The following ADCY3 variants were observed in gnomAD, a reference collection of about 807,000 sequenced individuals.
The protein encoded by ADCY3 is adenylate cyclase type 3.
ADCY3 carries 70 observed loss-of-function variants against 119.4 expected under a neutral mutation model. The observed-to-expected ratio is 0.59, with a 90% CI of 0.48 to 0.72. ADCY3 has a LOEUF of 0.72. Ranked by LOEUF, ADCY3 falls within the 30% of genes least tolerant of loss-of-function variation. The probability of loss-of-function intolerance (pLI) is 0.00; values close to 1 mark genes in which losing one functional copy is unlikely to be tolerated. For missense variants in ADCY3, 1,238 were observed against 1,541.6 expected (o/e 0.80, Z 3.30); for synonymous variants, 672 against 621.4 (o/e 1.08, Z -1.21).
intron 11 of ADCY3, 130 bp from the exon 12 acceptor site, chr2:24,831,879 ACAGGGGC>A (rs1460992219): frequency 6.7e-4 from 199 of 298,514 alleles, no homozygotes; most frequent in African/African-American, 4.1e-3. Flanking sequence ...GGGACAGTGG[ACAGGGGC>A]CAGGGGGCAG....
At chr2:24,823,465 C>A (rs1668095286) in intron 17 of ADCY3, 110 bp from the exon 18 acceptor site, 23 of 1,179,676 alleles carry the variant, frequency 1.9e-5, no homozygotes, top group Non-Finnish European at 2.6e-5. Context: ...GCTTTTTGGA[C>A]TCACACATCA....
rs1459604524 is a variant in ADCY3, at chr2:24,911,641, A to ACACACACACACACACACACAC, written c.675+6671_675+6672insGTGTGTGTGTGTGTGTGTGTG. On this transcript the variant is annotated intron_variant, in intron 2 of 21. Transcript: ENST00000679454. ...CTCCAGCCTGGGAGACAGACTCAAA[A>ACACACACACACACACACACAC]AAAAAAAAAAAAAAAAACACACACA... Among the ~76,000 whole-genome samples the ACACACACACACACACACACAC allele has an allele frequency of 3.9e-3, 225 of 58,050 alleles. 3 individuals are homozygous for ACACACACACACACACACACAC. Among genetic ancestry groups the ACACACACACACACACACACAC allele is most frequent in the African/African-American group, 0.011 (182 of 17,064 alleles). The allele number at this position is 58,050 out of a possible 152,430, so 38.1% of individuals were successfully genotyped here.
At chr2:24,915,228 C>T (rs1025895823) in intron 2 of ADCY3, among the ~76,000 whole-genome samples, 2 of 152,180 alleles carry the variant, frequency 1.3e-5, no homozygotes, top group Non-Finnish European at 2.9e-5. Flanking sequence ...CCCCACTGAC[C>T]CTGGAGGGAG....
chr2:24,830,422 G>C (rs1280259772), intron 13 of ADCY3, among the ~76,000 whole-genome samples: 1 of 152,188 alleles, frequency 6.6e-6, no homozygotes, highest in Non-Finnish European at 1.5e-5. Flanking sequence ...CAGATTAAAT[G>C]AATCAACATA....
At chr2:24,867,017 G>A (rs1674392558) in intron 3 of ADCY3, among the ~76,000 whole-genome samples, 1 of 152,206 alleles carries the variant, frequency 6.6e-6, no homozygotes, top group South Asian at 2.1e-4. Flanking sequence ...AAAAGATACT[G>A]GCTGAAAATG....
chr2:24,884,518 C>G (rs1676796568), intron 2 of ADCY3, among the ~76,000 whole-genome samples: 1 of 144,586 alleles, frequency 6.9e-6, no homozygotes. Context: ...CTCTGTCACC[C>G]AGGCTGAAGT....
At position 24,821,618 on chromosome 2, in the gene ADCY3, C is replaced by T. The variant is rs760801151; in HGVS notation, c.3026G>A (p.Arg1009His). The change falls in exon 20 of 22, where the codon CGC becomes CAC. Residue 1009 changes from arginine (R) to histidine (H), a missense_variant. Arg to His is a conservative substitution (Grantham distance 29, BLOSUM62 0). This residue lies in a region of ADCY3 where 63 missense variants were observed against 62.8 expected (regional missense o/e 1.00). Transcript: ENST00000679454. ...GGCCAGGTCAGCCAGGTGCTGCCAGCGCTCTCTCTCGGACTTGTCTTCCTG... is the reference window on the plus strand; with the variant it reads ...GGCCAGGTCAGCCAGGTGCTGCCAGTGCTCTCTCTCGGACTTGTCTTCCTG... ...SNKEDKSERE[R>H]WQHLADLADF... The T allele has an allele frequency of 8.7e-6, 14 of 1,613,982 alleles. No homozygotes were observed. Among genetic ancestry groups the T allele is most frequent in the African/African-American group, 1.3e-5 (1 of 74,938 alleles).
chr2:24,834,196 C>T lies in ADCY3; in HGVS notation c.1967+289G>A, dbSNP rs1254312376. 6.6e-6 allele frequency among the ~76,000 whole-genome samples: 1 copy of T among 152,220 alleles called. No individual in the cohort carries two copies. The highest frequency in any genetic ancestry group is 1.5e-5 in the Non-Finnish European group (1 of 68,036). Reference sequence around the variant, plus strand: ...CAAGAATCAGTGTGGGCCCATCTAGCCAAGGTCTCCAGCCTTCTGGAGGCC... The same window carrying T: ...CAAGAATCAGTGTGGGCCCATCTAGTCAAGGTCTCCAGCCTTCTGGAGGCC... On this transcript the variant is annotated intron_variant, in intron 11 of 21. Transcript: ENST00000679454. This position sits in a 1 kb window ranked among gnomAD's most constrained non-coding sequence, Gnocchi z 4.2.
intron 2 of ADCY3, among the ~76,000 whole-genome samples, chr2:24,881,121 A>G (rs1676350740): frequency 6.6e-6 from 1 of 152,206 alleles, no homozygotes; most frequent in Non-Finnish European, 1.5e-5. Flanking sequence ...TGAAATGCCC[A>G]TGAGGGCTGG....
rs1436314152 is a variant in ADCY3, at chr2:24,834,744, T to C, written c.1805+50A>G. On this transcript the variant is annotated intron_variant, in intron 10 of 21. Coordinates refer to ENST00000679454, the MANE Select transcript of ADCY3 (RefSeq NM_004036.5). This position sits in a 1 kb window ranked among gnomAD's most constrained non-coding sequence, Gnocchi z 4.2. The stretch of plus-strand genomic sequence containing the variant: ...GATGCTCAGTTTCCTGAATCCCTTG[T>C]CAGGGCCCGGGAGGAGTGGTGGGCC... The C allele has an allele frequency of 1.9e-6, 3 of 1,601,608 alleles. No individual in the cohort carries two copies. In the African/African-American group the frequency reaches 4.0e-5, roughly 21 times the overall value.
At chr2:24,911,845 C>T (rs1663725984) in intron 2 of ADCY3, among the ~76,000 whole-genome samples, 2 of 151,970 alleles carry the variant, frequency 1.3e-5, no homozygotes, top group African/African-American at 2.4e-5. Flanking sequence ...TACTGGTCAC[C>T]GCCTAATGGG....
intron 7 of ADCY3, 126 bp from the exon 8 acceptor site, chr2:24,838,748 A>T: frequency 6.3e-7 from 1 of 1,587,052 alleles, no homozygotes; most frequent in Non-Finnish European, 8.6e-7. Flanking sequence ...CATGTGGGGC[A>T]GAGGCCAAGT....
Position 24,828,006 on chromosome 2 carries a change from C to T in ADCY3, c.2328G>A (p.Lys776=), listed in dbSNP as rs1668867923. 1 of 1,614,130 alleles carries T rather than the reference C, an allele frequency of 6.2e-7. No individual in the cohort carries two copies. The highest frequency in any genetic ancestry group is 1.1e-5 in the South Asian group (1 of 91,092). The change falls in exon 14 of 22, where the codon AAG becomes AAA. Residue 776 remains lysine (K), a synonymous_variant. Transcript: ENST00000679454. The stretch of plus-strand genomic sequence containing the variant: ...CTGCGACGAGCAGCATGAGCGTGAG[C>T]TTCACCATGTGGCTGACCTGCACCA... ...IMLVQVSHMV[K]LTLMLLVAGA...
chr2:24,886,765 A>G (rs1356069755), intron 2 of ADCY3, among the ~76,000 whole-genome samples: 1 of 152,062 alleles, frequency 6.6e-6, no homozygotes, highest in East Asian at 1.9e-4. Flanking sequence ...GCTCTCACTC[A>G]CTCGGATGAG....
chr2:24,829,018 T>TCTTC (rs1553335370), intron 13 of ADCY3, among the ~76,000 whole-genome samples: 1 of 87,980 alleles, frequency 1.1e-5, no homozygotes. Context: ...TTATTCTTTT[T>TCTTC]TTTCTTTTTT....
intron 3 of ADCY3, among the ~76,000 whole-genome samples, chr2:24,851,204 C>T (rs76315156): frequency 0.014 from 2,076 of 152,168 alleles, 42 homozygotes; most frequent in African/African-American, 0.048. Context: ...TCAGCTTGGA[C>T]ATAACCTGAG....
rs776523511 is a variant in ADCY3 at position 24,872,572 on chromosome 2, G to A, written c.823C>T (p.Gln275Ter). Residue 275 changes from glutamine to a stop codon, truncating the protein, a stop_gained and splice_region_variant, in exon 3 of 22, where the codon CAG becomes TAG. Coordinates refer to ENST00000679454, the MANE Select transcript of ADCY3 (RefSeq NM_004036.5). LOFTEE classifies it high-confidence loss of function. The surrounding 1 kb of genome is among the most constrained non-coding windows in gnomAD (Gnocchi z 4.4). Reference protein sequence around the residue: ...KMNLEEQSQQQENLMLSILPK... With the variant: ...KMNLEEQSQQ Reference sequence around the variant, plus strand: ...CCGAGGCCTCCCGAGAGCCTCACCTGCTGCTGGCTCTGCTCTTCCAGGTTC... The same window carrying A: ...CCGAGGCCTCCCGAGAGCCTCACCTACTGCTGGCTCTGCTCTTCCAGGTTC... 6.2e-7 allele frequency: 1 copy of A among 1,613,978 alleles called. No homozygotes were observed. The highest frequency in any genetic ancestry group is 8.5e-7 in the Non-Finnish European group (1 of 1,179,896).
rs902049647 is a variant in ADCY3 at position 24,828,036 on chromosome 2, G to A, written c.2298C>T (p.Ile766=). ...CCATGTGGCTGACCTGCACCAGCATGATGGTGGCGATGAGGGACAGCACGG... is the reference window on the plus strand; with the variant it reads ...CCATGTGGCTGACCTGCACCAGCATAATGGTGGCGATGAGGGACAGCACGG... ...YVAVLSLIAT[I]MLVQVSHMVK... Residue 766 remains isoleucine (I), a synonymous_variant, in exon 14 of 22, where the codon ATC becomes ATT. Transcript: ENST00000679454. The A allele has an allele frequency of 1.2e-5, 20 of 1,614,276 alleles. No individual in the cohort carries two copies. Among genetic ancestry groups the A allele is most frequent in the Non-Finnish European group, 1.6e-5 (19 of 1,180,058 alleles).
chr2:24,826,354 C>T, intron 15 of ADCY3: 1 of 532,924 alleles, frequency 1.9e-6, no homozygotes. Context: ...CTGGCTGCAC[C>T]TGGTATTCAC....
Sources: allele counts gnomAD v4.1 joint callset (sites outside exome capture counted in the v4.1 genomes callset), GRCh38; gene constraint gnomAD v4.1.1; regional missense constraint gnomAD v4.1.1; non-coding constraint Gnocchi (gnomAD v3.1); transcripts MANE v1.5; gene names NCBI Gene and HGNC (gene_info 2026-07-23, HGNC 2026-07-21).